LRRIQ1: variants seen among roughly 807,000 people sequenced by gnomAD.
LRRIQ1 encodes the protein leucine rich repeats and IQ motif containing 1.
LRRIQ1 carries 210 observed loss-of-function variants against 211.9 expected under a neutral mutation model. The observed-to-expected ratio is 0.99, with a 90% CI of 0.89 to 1.11. The LOEUF (loss-of-function observed/expected upper bound fraction) is 1.11, where lower values mean the gene tolerates loss of function less well. Among genes scored for constraint, LRRIQ1 ranks in the 50% most tolerant of loss-of-function variants. The probability of loss-of-function intolerance (pLI) is 0.00; values close to 1 mark genes in which losing one functional copy is unlikely to be tolerated. For missense variants in LRRIQ1, 2,136 were observed against 1,939.5 expected (o/e 1.10, Z -1.90); for synonymous variants, 699 against 650.1 (o/e 1.08, Z -1.14).
rs758558992 is a variant in LRRIQ1 at position 85,152,324 on chromosome 12, C to A, written c.4374C>A (p.Phe1458Leu). 1 of 1,611,488 alleles carries A rather than the reference C, an allele frequency of 6.2e-7. No individual in the cohort carries two copies. Among genetic ancestry groups the A allele is most frequent in the Middle Eastern group, 1.7e-4 (1 of 6,046 alleles). ...GGCTAGCATTAGATTCCACCCGCTT[C>A]CCTTCACAAACACTGCTTCTTTCAA... ...EEWLALDSTR[F>L]PSQTLLLSNQ... Residue 1458 changes from phenylalanine to leucine, a missense_variant, in exon 20 of 27, where the codon TTC becomes TTA. Physicochemically the swap from Phe to Leu is conservative, Grantham distance 22. Coordinates refer to ENST00000393217, the MANE Select transcript of LRRIQ1 (RefSeq NM_001079910.2).
chr12:85,182,774 G>T (rs1892045564), intron 24 of LRRIQ1, among the ~76,000 whole-genome samples: 1 of 152,112 alleles, frequency 6.6e-6, no homozygotes. Context: ...AACATAAGGG[G>T]TTGGATATCT....
At chr12:85,069,889 T>C (rs1882888722) in intron 10 of LRRIQ1, among the ~76,000 whole-genome samples, 1 of 152,076 alleles carries the variant, frequency 6.6e-6, no homozygotes, top group African/African-American at 2.4e-5. Flanking sequence ...TTCTGTAGGT[T>C]GCCTGTTCAC....
Position 85,091,183 on chromosome 12 carries a change from A to G in LRRIQ1, c.2888-7172A>G, listed in dbSNP as rs888864737. On this transcript the variant is annotated intron_variant, in intron 11 of 26. Transcript: ENST00000393217. ...TAGAAGCTGAGAAGATGCCAGCACC[A>G]TACTTTCTGTAAAGCCTGTAGAACC... 3.3e-5 allele frequency among the ~76,000 whole-genome samples: 5 copies of G among 152,278 alleles called. No individual in the cohort carries two copies. In the South Asian group the frequency reaches 6.2e-4, roughly 19 times the overall value.
intron 24 of LRRIQ1, among the ~76,000 whole-genome samples, chr12:85,168,405 C>T (rs898515282): frequency 6.6e-6 from 1 of 152,158 alleles, no homozygotes; most frequent in African/African-American, 2.4e-5. Flanking sequence ...CTACAGCTCC[C>T]TTGTTAGCCT....
At chr12:85,266,741 G>C (rs1896429162), downstream of LRRIQ1, among the ~76,000 whole-genome samples, 1 of 152,138 alleles carries the variant, frequency 6.6e-6, no homozygotes, top group Non-Finnish European at 1.5e-5. Context: ...AATGTCTGCT[G>C]TAGCAGTGGG....
In LRRIQ1 at chr12:85,212,501, G is replaced by T. The variant is rs1390754834; in HGVS notation, c.4823-17016G>T. Among the ~76,000 whole-genome samples, 3 of 151,658 alleles carry T rather than the reference G, an allele frequency of 2.0e-5. No individual in the cohort carries two copies. In the East Asian group the frequency reaches 5.8e-4, roughly 29 times the overall value. ...AATATAGAAAAATTAACTAAGAGGAGAATATGTTGGTGAAATCAAGCATAA... is the reference window on the plus strand; with the variant it reads ...AATATAGAAAAATTAACTAAGAGGATAATATGTTGGTGAAATCAAGCATAA... On this transcript the variant is annotated intron_variant, in intron 24 of 26. Coordinates refer to ENST00000393217, the MANE Select transcript of LRRIQ1 (RefSeq NM_001079910.2).
intron 7 of LRRIQ1, 60 bp downstream of exon 7, chr12:85,052,311 A>G (rs1880439106): frequency 4.7e-6 from 4 of 846,178 alleles, no homozygotes; most frequent in South Asian, 1.8e-5. Flanking sequence ...ATACATTACT[A>G]TGCTTGAAAT....
In LRRIQ1 at chr12:85,127,996, T is replaced by C; in HGVS notation, c.4172T>C (p.Ile1391Thr). Residue 1391 changes from isoleucine to threonine, a missense_variant, in exon 18 of 27, where the codon ATC becomes ACC. Ile to Thr is a moderately conservative substitution (Grantham distance 89). Transcript: ENST00000393217. ...GGAAAAAGAGAAAATATTGTGAATATCCGAAAACAGAGGGAGAAGGCTGCT... is the reference window on the plus strand; with the variant it reads ...GGAAAAAGAGAAAATATTGTGAATACCCGAAAACAGAGGGAGAAGGCTGCT... ...KKGKRENIVN[I>T]RKQREKAAIL... is the part of the protein sequence containing the mutation. 5 of 1,613,176 alleles carry C rather than the reference T, an allele frequency of 3.1e-6. No individual in the cohort carries two copies. The highest frequency in any genetic ancestry group is 4.2e-6 in the Non-Finnish European group (5 of 1,179,140).
At chr12:85,037,746 G>A (rs1263658896) in intron 1 of LRRIQ1, among the ~76,000 whole-genome samples, 4 of 152,010 alleles carry the variant, frequency 2.6e-5, no homozygotes, top group Non-Finnish European at 4.4e-5. Flanking sequence ...TGACTAGTAC[G>A]TTTTCAAACC....
intron 26 of LRRIQ1, among the ~76,000 whole-genome samples, chr12:85,242,269 G>T (rs1387658032): frequency 6.6e-6 from 1 of 151,642 alleles, no homozygotes; most frequent in Non-Finnish European, 1.5e-5. Context: ...GGTTAAGTTG[G>T]CCCTCCATAT....
At chr12:85,061,781 T>C (rs1029761007) in intron 8 of LRRIQ1, among the ~76,000 whole-genome samples, 4 of 151,786 alleles carry the variant, frequency 2.6e-5, no homozygotes, top group Admixed American at 2.6e-4. Flanking sequence ...ATAGAAGTTA[T>C]CTCCCTACAA....
chr12:85,054,170 T>A (rs557018798), intron 7 of LRRIQ1, among the ~76,000 whole-genome samples: 3 of 152,154 alleles, frequency 2.0e-5, no homozygotes, highest in Non-Finnish European at 4.4e-5. Flanking sequence ...CTTCTCTGAG[T>A]GTTTAAGATA....
At chr12:85,088,460 T>A in intron 11 of LRRIQ1, among the ~76,000 whole-genome samples, 1 of 152,162 alleles carries the variant, frequency 6.6e-6, no homozygotes, top group Non-Finnish European at 1.5e-5. Context: ...AACTTTAAAG[T>A]AGTTTTTTCC....
At chr12:85,108,860 C>T (rs1886967129) in intron 15 of LRRIQ1, among the ~76,000 whole-genome samples, 1 of 151,910 alleles carries the variant, frequency 6.6e-6, no homozygotes, top group Non-Finnish European at 1.5e-5. Context: ...CACACATTTA[C>T]TAAAATACAT....
rs1349483680 is a variant in LRRIQ1 at position 85,192,574 on chromosome 12, ATATATAGTTATATACTATAATTGTG to A, written c.4822+31867_4822+31891del. ...AGTTATATAATATAATTATATATAAATATATAGTTATATACTATAATTGTGTATATATAGTTATATACTATAATTA... is the reference window on the plus strand; with the variant it reads ...AGTTATATAATATAATTATATATAAATATATATAGTTATATACTATAATTA... On this transcript the variant is annotated intron_variant, in intron 24 of 26. Transcript: ENST00000393217. 5.3e-4 allele frequency among the ~76,000 whole-genome samples: 52 copies of A among 97,574 alleles called. 10 individuals are homozygous for A. Among genetic ancestry groups the A allele is most frequent in the African/African-American group, 2.3e-3 (50 of 21,412 alleles). 64.0% of individuals were successfully genotyped at this position (97,574 alleles called of 152,430 possible). A position where few individuals can be genotyped will look rare whatever the true frequency, so the allele number is the denominator to read the frequency against.
At chr12:85,059,844 C>A (rs554805618) in intron 8 of LRRIQ1, among the ~76,000 whole-genome samples, 2 of 151,238 alleles carry the variant, frequency 1.3e-5, no homozygotes, top group East Asian at 3.9e-4. Context: ...ATACATGTAA[C>A]CTAAAGTATA....
chr12:85,141,371 T>G (rs1158421150), intron 19 of LRRIQ1, among the ~76,000 whole-genome samples: 2 of 151,286 alleles, frequency 1.3e-5, no homozygotes, highest in Non-Finnish European at 3.0e-5. Flanking sequence ...CTTACTCTGC[T>G]GGTGGATTTC....
intron 24 of LRRIQ1, among the ~76,000 whole-genome samples, chr12:85,183,386 A>G (rs1272333021): frequency 1.3e-5 from 2 of 151,098 alleles, no homozygotes; most frequent in Non-Finnish European, 3.0e-5. Flanking sequence ...TTGTAGACTG[A>G]AAAAAAAATC....
rs1455078500 is a variant in LRRIQ1, at chr12:85,098,377, T to C, written c.2910T>C (p.Asn970=). ...TAGGTGGTTTAGAATCTTTGAAAAA[T>C]CTTCAACAACTAATTTTGGACCACA... The part of the protein sequence containing the change: ...YWNCGLESLK[N]LQQLILDHNQ... Residue 970 remains asparagine, a synonymous_variant, in exon 12 of 27, where the codon AAT becomes AAC. Coordinates refer to ENST00000393217, the MANE Select transcript of LRRIQ1 (RefSeq NM_001079910.2). The C allele has an allele frequency of 6.2e-7, 1 of 1,608,060 alleles. No homozygotes were observed. The highest frequency in any genetic ancestry group is 1.7e-5 in the Admixed American group (1 of 59,458).
Sources: allele counts gnomAD v4.1 joint callset (sites outside exome capture counted in the v4.1 genomes callset), GRCh38; gene constraint gnomAD v4.1.1; transcripts MANE v1.5; gene names NCBI Gene and HGNC (gene_info 2026-07-23, HGNC 2026-07-21).